Variants in ADARB2 observed in about 807,000 individuals in gnomAD.
ADARB2 encodes inactive double-stranded RNA-specific editase B2.
Under a neutral mutation model 62.2 loss-of-function variants are expected in ADARB2, and 25 were observed. The ratio of observed to expected loss-of-function variants is 0.40; its 90% CI spans 0.29 to 0.56. The LOEUF (loss-of-function observed/expected upper bound fraction) is 0.56, where lower values mean the gene tolerates loss of function less well. Ranked by LOEUF, ADARB2 falls within the 20% of genes least tolerant of loss-of-function variation. The pLI is 0.43. For synonymous variants in ADARB2, 572 were observed against 500.8 expected (o/e 1.14, Z -1.90); for missense variants, 1,071 against 1,077.4 (o/e 0.99, Z 0.08).
intron 3 of ADARB2, among the ~76,000 whole-genome samples, chr10:1,329,888 A>G (rs1187662681): frequency 6.7e-6 from 1 of 149,458 alleles, no homozygotes; most frequent in Admixed American, 6.6e-5. Flanking sequence ...GGGGCTGTGA[A>G]TCAGGGCCTC....
chr10:1,242,165 G>T lies in ADARB2; in HGVS notation c.1327C>A (p.His443Asn), dbSNP rs142949222. The change falls in exon 5 of 10, where the codon CAC becomes AAC. Residue 443 changes from histidine to asparagine, a missense_variant. By Grantham distance (68) the His-to-Asn change is moderately conservative. Coordinates refer to ENST00000381312, the MANE Select transcript of ADARB2 (RefSeq NM_018702.4). ...AEVVARRAFL[H>N]FLYTQLELHL... ...AGCTCCAGCTGCGTGTAGAGGAAGT[G>T]CAGGAACGCCCGCCGGGCCACGACC... 37 of 1,610,382 alleles carry T rather than the reference G, an allele frequency of 2.3e-5. No individual in the cohort carries two copies. The African/African-American group carries it at 4.8e-4, about 21-fold the overall frequency.
At chr10:1,215,699 C>G (rs1218359604) in intron 7 of ADARB2, 1 of 152,268 alleles carries the variant, frequency 6.6e-6, no homozygotes, top group Non-Finnish European at 1.5e-5. Context: ...CTGGGTCCCT[C>G]AACCCAGACT....
At chr10:1,270,653 C>A (rs2804105) in intron 4 of ADARB2, among the ~76,000 whole-genome samples, 1 of 151,856 alleles carries the variant, frequency 6.6e-6, no homozygotes, top group Non-Finnish European at 1.5e-5. Flanking sequence ...ACACCCCAAC[C>A]AGAGGAACTT....
intron 1 of ADARB2, among the ~76,000 whole-genome samples, chr10:1,394,734 AG>A (rs1352788431): frequency 6.6e-6 from 1 of 152,162 alleles, no homozygotes; most frequent in Non-Finnish European, 1.5e-5. Context: ...GGAACGTCAA[AG>A]GGTCTGAAGC....
chr10:1,490,594 A>G (rs73582340), intron 1 of ADARB2, among the ~76,000 whole-genome samples: 4,451 of 152,184 alleles, frequency 0.029, 202 homozygotes, highest in African/African-American at 0.1. Flanking sequence ...AGCTGGGATT[A>G]CAGGTGTGTG....
chr10:1,479,757 G>A (rs913415124), intron 1 of ADARB2, among the ~76,000 whole-genome samples: 3 of 152,154 alleles, frequency 2.0e-5, no homozygotes, highest in Admixed American at 1.3e-4. Flanking sequence ...GATTTATGTT[G>A]ATCAAAGCTG....
At chr10:1,695,504 T>A (rs1283334342) in intron 1 of ADARB2, among the ~76,000 whole-genome samples, 1 of 152,248 alleles carries the variant, frequency 6.6e-6, no homozygotes, top group South Asian at 2.1e-4. Context: ...TATTAAACAA[T>A]CTCATATATA....
chr10:1,458,457 T>C (rs1831125023), intron 1 of ADARB2, among the ~76,000 whole-genome samples: 1 of 152,196 alleles, frequency 6.6e-6, no homozygotes, highest in Admixed American at 6.5e-5. Flanking sequence ...ATAAGTTTTA[T>C]TGATCACTAA....
intron 1 of ADARB2, among the ~76,000 whole-genome samples, chr10:1,538,609 G>T (rs1247241553): frequency 6.6e-6 from 1 of 152,230 alleles, no homozygotes; most frequent in Non-Finnish European, 1.5e-5. Flanking sequence ...GGCACTTGGA[G>T]GATGGGCATC....
intron 1 of ADARB2, among the ~76,000 whole-genome samples, chr10:1,620,450 A>G (rs959271270): frequency 3.3e-5 from 5 of 152,230 alleles, no homozygotes; most frequent in African/African-American, 1.2e-4. Context: ...TAAAAAAACT[A>G]CAAAAATAAC....
At chr10:1,662,729 G>T (rs559507758) in intron 1 of ADARB2, among the ~76,000 whole-genome samples, 66 of 152,282 alleles carry the variant, frequency 4.3e-4, no homozygotes, top group African/African-American at 1.6e-3. Flanking sequence ...GAGTCCGCAG[G>T]CTCCGGTTGC....
chr10:1,640,551 A>G (rs765849315), intron 1 of ADARB2, among the ~76,000 whole-genome samples: 5 of 152,202 alleles, frequency 3.3e-5, no homozygotes, highest in African/African-American at 2.4e-5. Context: ...CGGATGCTCT[A>G]AACTAAACCC....
intron 1 of ADARB2, among the ~76,000 whole-genome samples, chr10:1,690,791 C>T (rs1196939732): frequency 6.6e-6 from 1 of 152,214 alleles, no homozygotes; most frequent in Non-Finnish European, 1.5e-5. Context: ...CCCTCCCCAG[C>T]CTGCATGCAC....
chr10:1,408,704 T>G (rs895049499), intron 1 of ADARB2, among the ~76,000 whole-genome samples: 14 of 152,294 alleles, frequency 9.2e-5, no homozygotes, highest in African/African-American at 3.1e-4. Flanking sequence ...GGCTGTTGTG[T>G]GTCTTGGTGA....
chr10:1,515,012 C>A (rs955129695), intron 1 of ADARB2, among the ~76,000 whole-genome samples: 2 of 152,090 alleles, frequency 1.3e-5, no homozygotes, highest in Non-Finnish European at 2.9e-5. Flanking sequence ...TGTGAACAGG[C>A]GTTTACACTG....
At chr10:1,239,401 T>C (rs1170983855) in intron 5 of ADARB2, among the ~76,000 whole-genome samples, 1 of 1,736 alleles carries the variant, frequency 5.8e-4, no homozygotes, top group Non-Finnish European at 1.2e-3. Context: ...TCCCGGTGTT[T>C]ACTCCCCTCT....
intron 1 of ADARB2, among the ~76,000 whole-genome samples, chr10:1,416,858 G>A (rs1832808531): frequency 6.6e-6 from 1 of 152,258 alleles, no homozygotes; most frequent in South Asian, 2.1e-4. Flanking sequence ...TTGCTGATGT[G>A]GGAGAGAGAA....
At chr10:1,511,035 C>T (rs1259163406) in intron 1 of ADARB2, among the ~76,000 whole-genome samples, 10 of 152,022 alleles carry the variant, frequency 6.6e-5, no homozygotes, top group East Asian at 3.9e-4. Context: ...TAAATTATTT[C>T]GTAGAGATGG....
intron 1 of ADARB2, among the ~76,000 whole-genome samples, chr10:1,410,234 G>C (rs533252282): frequency 2.2e-4 from 29 of 132,706 alleles, no homozygotes; most frequent in African/African-American, 1.2e-3. Flanking sequence ...CGTGGTCATG[G>C]GGAAGGATTG....
Sources: gnomAD v4.1 joint callset for allele counts (sites outside exome capture counted in the v4.1 genomes callset) on GRCh38, gnomAD v4.1.1 for gene constraint, MANE v1.5 for transcripts, NCBI Gene and HGNC (gene_info 2026-07-23, HGNC 2026-07-21) for gene names.